Variants in SYN3 observed in about 807,000 individuals in gnomAD.
SYN3 encodes synapsin III, also known as synapsin-3.
SYN3 carries 35 observed loss-of-function variants against 65.8 expected under a neutral mutation model. The ratio of observed to expected loss-of-function variants is 0.53; its 90% CI spans 0.41 to 0.70. The LOEUF (loss-of-function observed/expected upper bound fraction) is 0.70. SYN3 is among the 30% of genes least tolerant of loss of function. The pLI, the probability that SYN3 is intolerant of heterozygous loss-of-function variation, is 0.00. For missense variants in SYN3, 680 were observed against 749.0 expected (o/e 0.91, Z 1.08); for synonymous variants, 270 against 292.9 (o/e 0.92, Z 0.80).
At chr22:32,960,936 G>T (rs1313652856) in intron 3 of SYN3, among the ~76,000 whole-genome samples, 1 of 152,194 alleles carries the variant, frequency 6.6e-6, no homozygotes, top group Non-Finnish European at 1.5e-5. Flanking sequence ...CTGCAGGAGA[G>T]AGTGAAGGTG....
chr22:32,613,879 T>C (rs1158126562), intron 6 of SYN3, among the ~76,000 whole-genome samples: 1 of 152,190 alleles, frequency 6.6e-6, no homozygotes, highest in Non-Finnish European at 1.5e-5. Flanking sequence ...TCACCCTTCC[T>C]TCCACCTACG....
At chr22:32,948,323 A>T (rs1006686034) in intron 3 of SYN3, among the ~76,000 whole-genome samples, 13 of 152,206 alleles carry the variant, frequency 8.5e-5, no homozygotes, top group Admixed American at 7.2e-4. Context: ...GCTACTAGGA[A>T]ACACTAAGGG....
intron 3 of SYN3, among the ~76,000 whole-genome samples, chr22:32,972,200 A>G (rs2052041578): frequency 6.6e-6 from 1 of 152,204 alleles, no homozygotes; most frequent in Non-Finnish European, 1.5e-5. Flanking sequence ...AATCCTACAG[A>G]TCGATTAATA....
At chr22:32,959,870 C>T (rs11703888) in intron 3 of SYN3, among the ~76,000 whole-genome samples, 30,083 of 152,268 alleles carry the variant, frequency 0.2, 3,632 homozygotes, top group Non-Finnish European at 0.27. Context: ...GCTGGGATTA[C>T]AGGCGTGAGC....
chr22:32,605,751 G>A (rs913547293), intron 6 of SYN3, among the ~76,000 whole-genome samples: 22 of 152,202 alleles, frequency 1.4e-4, no homozygotes, highest in Admixed American at 5.9e-4. Flanking sequence ...ACTGGAGCAC[G>A]TGGGTGGAGG....
intron 4 of SYN3, among the ~76,000 whole-genome samples, chr22:32,887,006 G>A (rs943516541): frequency 6.6e-5 from 10 of 151,692 alleles, no homozygotes; most frequent in Admixed American, 3.3e-4. Context: ...ATAATGCTAC[G>A]TCAGATAAGT....
chr22:32,671,025 C>A (rs984655847), intron 6 of SYN3, among the ~76,000 whole-genome samples: 21 of 152,208 alleles, frequency 1.4e-4, no homozygotes, highest in African/African-American at 4.3e-4. Context: ...CGGATTCTAG[C>A]CCTGGCACCA....
intron 7 of SYN3, among the ~76,000 whole-genome samples, chr22:32,577,893 C>T (rs1000448950): frequency 6.6e-6 from 1 of 152,240 alleles, no homozygotes; most frequent in African/African-American, 2.4e-5. Flanking sequence ...ACATTCGTCA[C>T]ACTCTGCCTC....
At position 32,710,632 on chromosome 22, in the gene SYN3, C is replaced by CAA. The variant is rs57427060; in HGVS notation, c.712-113898_712-113897dup. Among the ~76,000 whole-genome samples the CAA allele has an allele frequency of 8.1e-4, 61 of 74,980 alleles. 1 individual carries two copies. The highest frequency in any genetic ancestry group is 1.0e-3 in the Non-Finnish European group (43 of 41,098). 49.2% of individuals were successfully genotyped at this position (74,980 alleles called of 152,430 possible). Reference sequence around the variant, plus strand: ...TGGCTGACAGAGCGAGACTCTGTCTCAAAAAAAAAAAAAAAAGAAAGAAAG... The same window carrying CAA: ...TGGCTGACAGAGCGAGACTCTGTCTCAAAAAAAAAAAAAAAAAAGAAAGAAAG... On this transcript the variant is annotated intron_variant, in intron 6 of 13. Transcript: ENST00000358763.
intron 7 of SYN3, chr22:32,583,311 G>A (rs2058976285): frequency 1.3e-5 from 2 of 152,206 alleles, no homozygotes; most frequent in African/African-American, 2.4e-5. Context: ...CAAGATTCCA[G>A]AGATGTGGCT....
intron 13 of SYN3, among the ~76,000 whole-genome samples, chr22:32,516,656 A>T (rs992196311): frequency 6.6e-5 from 10 of 152,218 alleles, no homozygotes; most frequent in African/African-American, 2.2e-4. Flanking sequence ...ATGAGCCACC[A>T]CACCTGGCCT....
chr22:32,922,741 C>A (rs918670213), intron 4 of SYN3, among the ~76,000 whole-genome samples: 1 of 152,088 alleles, frequency 6.6e-6, no homozygotes, highest in Non-Finnish European at 1.5e-5. Flanking sequence ...AGAGTTCTGG[C>A]ACTGGCCTGG....
intron 4 of SYN3, among the ~76,000 whole-genome samples, chr22:32,922,433 C>A (rs1326087982): frequency 6.6e-6 from 1 of 152,150 alleles, no homozygotes; most frequent in Non-Finnish European, 1.5e-5. Context: ...GGAGCAGTGC[C>A]TAGCACGTAG....
chr22:32,858,174 T>C (rs778087527), intron 6 of SYN3: 4 of 1,609,734 alleles, frequency 2.5e-6, no homozygotes, highest in Non-Finnish European at 3.4e-6. Flanking sequence ...GGAGGGGAGG[T>C]GCTGACTTGC....
At chr22:32,701,781 C>T (rs1423742120) in intron 6 of SYN3, among the ~76,000 whole-genome samples, 1 of 151,870 alleles carries the variant, frequency 6.6e-6, no homozygotes, top group Non-Finnish European at 1.5e-5. Flanking sequence ...AGCTGTGGAA[C>T]AATAGCAAAC....
At chr22:32,682,429 C>A (rs2060536574) in intron 6 of SYN3, among the ~76,000 whole-genome samples, 2 of 152,056 alleles carry the variant, frequency 1.3e-5, no homozygotes, top group African/African-American at 4.8e-5. Context: ...AGGATAAGGG[C>A]AAGGGAGGAA....
intron 6 of SYN3, among the ~76,000 whole-genome samples, chr22:32,765,588 C>T (rs1039347333): frequency 3.3e-5 from 5 of 152,096 alleles, no homozygotes; most frequent in African/African-American, 1.2e-4. Context: ...AGGAGGGTCG[C>T]ATAGCAAGGA....
At chr22:32,904,580 A>T (rs1387171685) in intron 4 of SYN3, among the ~76,000 whole-genome samples, 1 of 151,876 alleles carries the variant, frequency 6.6e-6, no homozygotes, top group Admixed American at 6.6e-5. Flanking sequence ...GTAAAAGCAG[A>T]ATTGGGGTTT....
chr22:32,690,525 G>T (rs1216735275), intron 6 of SYN3, among the ~76,000 whole-genome samples: 2 of 152,282 alleles, frequency 1.3e-5, no homozygotes, highest in Middle Eastern at 3.4e-3. Context: ...TTTGGATGGG[G>T]TCACTCTCAT....
Sources: gnomAD v4.1 joint callset for allele counts (sites outside exome capture counted in the v4.1 genomes callset) on GRCh38, gnomAD v4.1.1 for gene constraint, MANE v1.5 for transcripts, NCBI Gene and HGNC (gene_info 2026-07-23, HGNC 2026-07-21) for gene names.